Variants in CKMT1B observed in about 807,000 individuals in gnomAD.
CKMT1B encodes creatine kinase, mitochondrial 1B.
Under a neutral mutation model 21.8 loss-of-function variants are expected in CKMT1B, and 13 were observed. The observed-to-expected ratio is 0.60, with a 90% CI of 0.39 to 0.95. The LOEUF (loss-of-function observed/expected upper bound fraction) is 0.95. Ranked by LOEUF, CKMT1B falls within the 40% of genes least tolerant of loss-of-function variation. The pLI, the probability that CKMT1B is intolerant of heterozygous loss-of-function variation, is 0.00. For synonymous variants in CKMT1B, 50 were observed against 80.3 expected, an observed-to-expected ratio of 0.62 and a Z score of 2.02; for missense variants, 157 against 227.5, an observed-to-expected ratio of 0.69 and a Z score of 1.99.
chr15:43,597,492 TC>T, intron 6 of CKMT1B: 2 of 1,267,338 alleles, frequency 1.6e-6, no homozygotes, highest in Non-Finnish European at 2.1e-6. Flanking sequence ...CCCCCCATGT[TC>T]AGCATGTAAG....
At chr15:43,597,275 T>C (rs2085585082) in intron 6 of CKMT1B, 12 of 443,142 alleles carry the variant, frequency 2.7e-5, no homozygotes, top group Non-Finnish European at 4.4e-5. Flanking sequence ...AAGTAATAGA[T>C]AACATATTCT....
In CKMT1B at chr15:43,596,546, T is replaced by C. The variant is rs146365795; in HGVS notation, c.876+15T>C. 287 of 1,608,056 alleles carry C rather than the reference T, an allele frequency of 1.8e-4. 9 individuals carry two copies. Among genetic ancestry groups the C allele is most frequent in the Middle Eastern group, 5.0e-4 (3 of 6,052 alleles). On this transcript the variant is annotated intron_variant, in intron 6 of 8. Coordinates refer to ENST00000441322, the MANE Select transcript of CKMT1B (RefSeq NM_001375484.1). The stretch of plus-strand genomic sequence containing the variant: ...GCCTCAAAGAGGTTAGAGAAGACTA[T>C]GTAGGGGAGCTAGGTGGGAGGACAT...
intron 7 of CKMT1B, 139 bp from the exon 8 acceptor site, chr15:43,598,687 TA>T (rs2085622273): frequency 3.4e-5 from 43 of 1,247,058 alleles, no homozygotes; most frequent in South Asian, 7.3e-5. Context: ...AGACCCTGTC[TA>T]AAAAAAATTA....
In CKMT1B at chr15:43,597,024, G is replaced by A. The variant is rs577773062; in HGVS notation, c.876+493G>A. The stretch of plus-strand genomic sequence containing the variant: ...AGGCTTTAAGTTGAGAGTTCGGAGA[G>A]AGACTGGGGAAGGTGGAGGATAGAA... On this transcript the variant is annotated intron_variant, in intron 6 of 8. Coordinates refer to ENST00000441322, the MANE Select transcript of CKMT1B (RefSeq NM_001375484.1). Among the ~76,000 whole-genome samples the A allele has an allele frequency of 3.1e-4, 46 of 148,860 alleles. 4 individuals carry two copies. In the South Asian group the frequency reaches 7.1e-3, roughly 23 times the overall value.
rs537385246 is a variant in CKMT1B, at chr15:43,598,247, G to T, written c.931G>T (p.Gly311Ter). 1 of 1,607,756 alleles carries T rather than the reference G, an allele frequency of 6.2e-7. No homozygotes were observed. The highest frequency in any genetic ancestry group is 1.4e-5 in the African/African-American group (1 of 71,666). ...GGAGTTCATGTGGAATGAGCGTTTG[G>T]GATACATCTTGACCTGTCCATCTAA... is the stretch of plus-strand genomic sequence containing the variant. ...GWEFMWNERL[G>*]YILTCPSNLG... Residue 311 changes from glycine to a stop codon, truncating the protein, a stop_gained, in exon 7 of 9, where the codon GGA becomes TGA. Transcript: ENST00000441322. LOFTEE classifies it high-confidence loss of function.
intron 6 of CKMT1B, among the ~76,000 whole-genome samples, chr15:43,597,037 G>A (rs1476170912): frequency 6.7e-6 from 1 of 148,550 alleles, no homozygotes; most frequent in Non-Finnish European, 1.5e-5. Flanking sequence ...ACTGGGGAAG[G>A]TGGAGGATAG....
Position 43,598,889 on chromosome 15 carries a change from G to A in CKMT1B, c.1074G>A (p.Val358=). 1 of 1,609,204 alleles carries A rather than the reference G, an allele frequency of 6.2e-7. No individual in the cohort carries two copies. Among genetic ancestry groups the A allele is most frequent in the Admixed American group, 1.7e-5 (1 of 59,874 alleles). Residue 358 remains valine, a synonymous_variant, in exon 8 of 9, where the codon GTG becomes GTA. Coordinates refer to ENST00000441322, the MANE Select transcript of CKMT1B (RefSeq NM_001375484.1). ...TCCAAAAACGTGGTACTGGAGGAGT[G>A]GACACTGCTGCTACAGGCGGTGTCT... ...LRLQKRGTGG[V]DTAATGGVFD...
At chr15:43,598,461 C>T (rs2141512731) in intron 7 of CKMT1B, 134 bp downstream of exon 7, 1 of 1,309,844 alleles carries the variant, frequency 7.6e-7, no homozygotes, top group East Asian at 2.5e-5. Context: ...GGCACAGTGG[C>T]TCATGCCTCT....
In CKMT1B at chr15:43,598,002, T is replaced by A. The variant is rs548812193; in HGVS notation, c.877-191T>A. 54 of 1,394,006 alleles carry A rather than the reference T, an allele frequency of 3.9e-5. 5 individuals are homozygous for A. The highest frequency in any genetic ancestry group is 3.8e-4 in the East Asian group (14 of 37,150). 86.4% of individuals were successfully genotyped at this position (1,394,006 alleles called of 1,614,324 possible). A position where few individuals can be genotyped will look rare whatever the true frequency, so the allele number is the denominator to read the frequency against. On this transcript the variant is annotated intron_variant, in intron 6 of 8. Coordinates refer to ENST00000441322, the MANE Select transcript of CKMT1B (RefSeq NM_001375484.1). ...CACAATCTCATTATTATGCACATCA[T>A]AATTTTGCATCATGCATGCATGAAA...
At chr15:43,597,950 T>C in intron 6 of CKMT1B, 2 of 1,386,690 alleles carry the variant, frequency 1.4e-6, no homozygotes, top group South Asian at 3.3e-5. Flanking sequence ...TCCTTCGAGT[T>C]TTCTTCTTCC....
intron 5 of CKMT1B, 53 bp downstream of exon 5, chr15:43,596,345 T>C (rs1360645060): frequency 1.3e-5 from 18 of 1,357,980 alleles, no homozygotes; most frequent in Non-Finnish European, 1.8e-5. Context: ...AAATGCTTTT[T>C]TTCCCTCTAT....
chr15:43,596,464 T>C lies in CKMT1B; in HGVS notation c.809T>C (p.Val270Ala), dbSNP rs1047042470. 1.1e-5 allele frequency: 18 copies of C among 1,596,964 alleles called. No homozygotes were observed. Among genetic ancestry groups the C allele is most frequent in the African/African-American group, 2.9e-5 (2 of 68,630 alleles). Residue 270 changes from valine to alanine, a missense_variant, in exon 6 of 9, where the codon GTG becomes GCG. Physicochemically the swap from Val to Ala is moderately conservative, Grantham distance 64. Coordinates refer to ENST00000441322, the MANE Select transcript of CKMT1B (RefSeq NM_001375484.1). ...IWVNEEDHTRVISMEKGGNMK... is the reference protein window; with the variant it reads ...IWVNEEDHTRAISMEKGGNMK... ...GTGAATGAGGAGGATCATACACGGG[T>C]GATCTCCATGGAGAAGGGTGGTAAC...
intron 7 of CKMT1B, 114 bp from the exon 8 acceptor site, chr15:43,598,713 A>G (rs2085623526): frequency 1.4e-6 from 2 of 1,421,044 alleles, no homozygotes; most frequent in Non-Finnish European, 9.3e-7. Context: ...AGAAAAAAGA[A>G]AAAAGGAAAA....
Position 43,597,481 on chromosome 15 carries a change from T to G in CKMT1B, c.877-712T>G, listed in dbSNP as rs1166463988. On this transcript the variant is annotated intron_variant, in intron 6 of 8. Coordinates refer to ENST00000441322, the MANE Select transcript of CKMT1B (RefSeq NM_001375484.1). Reference sequence around the variant, plus strand: ...CAATATTATTCTGGATGGAAGAGTTTCCCCCCATGTTCAGCATGTAAGATA... The same window carrying G: ...CAATATTATTCTGGATGGAAGAGTTGCCCCCCATGTTCAGCATGTAAGATA... The G allele has an allele frequency of 2.0e-5, 25 of 1,259,228 alleles. 2 individuals carry two copies. The African/African-American group carries it at 4.2e-4, about 21-fold the overall frequency. The allele number at this position is 1,259,228 out of a possible 1,614,324, so 78.0% of individuals were successfully genotyped here.
chr15:43,597,821 C>G, intron 6 of CKMT1B: 6 of 1,126,592 alleles, frequency 5.3e-6, no homozygotes, highest in Non-Finnish European at 6.6e-6. Context: ...CTTCTAAGCT[C>G]TAGGCTCATT....
rs2085627969 is a variant in CKMT1B at position 43,598,845 on chromosome 15, A to G, written c.1030A>G (p.Ile344Val). 6.2e-7 allele frequency: 1 copy of G among 1,608,016 alleles called. No homozygotes were observed. Among genetic ancestry groups the G allele is most frequent in the Non-Finnish European group, 8.5e-7 (1 of 1,179,144 alleles). The part of the protein sequence containing the change: ...LLSKDSRFPK[I>V]LENLRLQKRG... ...TCTCTAGGATAGCCGCTTCCCAAAG[A>G]TCCTGGAGAACCTAAGACTCCAAAA... The change falls in exon 8 of 9, where the codon ATC becomes GTC. Residue 344 changes from isoleucine to valine, a missense_variant. Transcript: ENST00000441322.
At chr15:43,598,458 T>C (rs2085616203) in intron 7 of CKMT1B, 131 bp downstream of exon 7, 8 of 1,358,464 alleles carry the variant, frequency 5.9e-6, no homozygotes, top group Non-Finnish European at 3.0e-6. Flanking sequence ...CCAGGCACAG[T>C]GGCTCATGCC....
chr15:43,597,343 A>G (rs951188395), intron 6 of CKMT1B: 12 of 1,017,670 alleles, frequency 1.2e-5, no homozygotes, highest in African/African-American at 2.0e-5. Flanking sequence ...CCTCATCTGT[A>G]AAATTGGGAT....
chr15:43,596,425 G>A lies in CKMT1B; in HGVS notation c.770G>A (p.Ser257Asn). Residue 257 changes from serine (S) to asparagine (N), a missense_variant, in exon 6 of 9, where the codon AGC becomes AAC. Transcript: ENST00000441322. Reference sequence around the variant, plus strand: ...GCCCTCAGGCACAACAATGAGAAGAGCTTCCTGATCTGGGTGAATGAGGAG... The same window carrying A: ...GCCCTCAGGCACAACAATGAGAAGAACTTCCTGATCTGGGTGAATGAGGAG... The part of the protein sequence containing the change: ...ARGIWHNNEK[S>N]FLIWVNEEDH... The A allele has an allele frequency of 6.3e-7, 1 of 1,584,798 alleles. No individual in the cohort carries two copies. Among genetic ancestry groups the A allele is most frequent in the Middle Eastern group, 1.7e-4 (1 of 5,986 alleles).
Sources: allele counts gnomAD v4.1 joint callset (sites outside exome capture counted in the v4.1 genomes callset), GRCh38; gene constraint gnomAD v4.1.1; transcripts MANE v1.5; gene names NCBI Gene and HGNC (gene_info 2026-07-23, HGNC 2026-07-21).